The following FARS2 variants were observed in gnomAD, a reference collection of about 807,000 sequenced individuals.
FARS2 encodes the protein phenylalanine--tRNA ligase, mitochondrial.
A neutral mutation model predicts 46.4 loss-of-function variants in FARS2; 40 were observed. The ratio of observed to expected loss-of-function variants is 0.86; its 90% CI spans 0.67 to 1.12. The LOEUF (loss-of-function observed/expected upper bound fraction) is 1.12, where lower values mean the gene tolerates loss of function less well. FARS2 is among the 50% of genes most tolerant of loss of function. FARS2 has a pLI of 0.00. For synonymous variants in FARS2, 234 were observed against 214.9 expected (o/e 1.09, Z -0.78); for missense variants, 513 against 567.9 (o/e 0.90, Z 0.98).
At chr6:5,305,035 A>G (rs931973813) in intron 1 of FARS2, among the ~76,000 whole-genome samples, 2 of 152,168 alleles carry the variant, frequency 1.3e-5, no homozygotes, top group African/African-American at 2.4e-5. Context: ...AAGAGTGCCT[A>G]TTGTGGACTG....
At chr6:5,468,177 A>G (rs956425380) in intron 4 of FARS2, among the ~76,000 whole-genome samples, 1 of 152,114 alleles carries the variant, frequency 6.6e-6, no homozygotes, top group Non-Finnish European at 1.5e-5. Flanking sequence ...GTGTCATGGA[A>G]ACTCTTTGTG....
chr6:5,553,888 T>G (rs539032914), intron 5 of FARS2, among the ~76,000 whole-genome samples: 1 of 152,282 alleles, frequency 6.6e-6, no homozygotes, highest in Admixed American at 6.5e-5. Context: ...TAAAATTATT[T>G]AACTTGTCAG....
chr6:5,366,909 T>C (rs1188405512), intron 1 of FARS2, among the ~76,000 whole-genome samples: 1 of 152,182 alleles, frequency 6.6e-6, no homozygotes, highest in Admixed American at 6.5e-5. Context: ...TCCACTGCAG[T>C]GACAAGTCAC....
At chr6:5,575,753 T>C (rs1235340334) in intron 5 of FARS2, among the ~76,000 whole-genome samples, 3 of 152,222 alleles carry the variant, frequency 2.0e-5, no homozygotes, top group African/African-American at 7.2e-5. Flanking sequence ...ATCGTGACAT[T>C]TTTGAAGATT....
At chr6:5,379,411 A>G (rs1477582414) in intron 2 of FARS2, among the ~76,000 whole-genome samples, 1 of 152,206 alleles carries the variant, frequency 6.6e-6, no homozygotes, top group Non-Finnish European at 1.5e-5. Context: ...AAGAATTACA[A>G]ACTCCAACAC....
intron 5 of FARS2, among the ~76,000 whole-genome samples, chr6:5,599,690 A>G (rs1403260819): frequency 2.0e-5 from 3 of 152,206 alleles, no homozygotes; most frequent in Non-Finnish European, 4.4e-5. Flanking sequence ...TCCACAGTCA[A>G]TTTTAGAACA....
intron 6 of FARS2, among the ~76,000 whole-genome samples, chr6:5,763,257 G>A (rs1311060553): frequency 1.3e-5 from 2 of 152,218 alleles, no homozygotes; most frequent in Non-Finnish European, 1.5e-5. Context: ...TTTGAGATTG[G>A]CCTGGGCAAC....
intron 1 of FARS2, among the ~76,000 whole-genome samples, chr6:5,275,503 A>G (rs182578877): frequency 6.6e-6 from 1 of 152,208 alleles, no homozygotes; most frequent in East Asian, 1.9e-4. Flanking sequence ...GACCATGTCT[A>G]TTTTGTTCAT....
intron 6 of FARS2, among the ~76,000 whole-genome samples, chr6:5,650,043 C>A (rs148937766): frequency 6.6e-6 from 1 of 152,154 alleles, no homozygotes; most frequent in Non-Finnish European, 1.5e-5. Flanking sequence ...GCCCCACTGC[C>A]GGACCCATTT....
intron 4 of FARS2, among the ~76,000 whole-genome samples, chr6:5,497,209 A>G (rs916353695): frequency 2.0e-5 from 3 of 152,226 alleles, no homozygotes; most frequent in Non-Finnish European, 4.4e-5. Flanking sequence ...AACAATACAT[A>G]TAATGATCAT....
chr6:5,690,273 A>G (rs1167610175), intron 6 of FARS2, among the ~76,000 whole-genome samples: 1 of 152,170 alleles, frequency 6.6e-6, no homozygotes, highest in Non-Finnish European at 1.5e-5. Context: ...TCGTTAGTTG[A>G]TGCCGTTTCT....
intron 4 of FARS2, among the ~76,000 whole-genome samples, chr6:5,434,984 A>G (rs893073585): frequency 7.2e-5 from 11 of 152,194 alleles, no homozygotes; most frequent in Admixed American, 3.9e-4. Flanking sequence ...CCCATAAAGC[A>G]TGCTGTATAT....
rs370116278 is a variant in FARS2 at position 5,296,425 on chromosome 6, G to A, written c.-22+34765G>A. Among the ~76,000 whole-genome samples the A allele has an allele frequency of 1.6e-4, 25 of 152,260 alleles. 1 individual carries two copies. Among genetic ancestry groups the A allele is most frequent in the Admixed American group, 1.0e-3 (16 of 15,290 alleles). ...CAAAGTGCTGGGATTACAGGCGTGCGCCACTGTGCCTGGCCTATTTTGGCC... is the reference window on the plus strand; with the variant it reads ...CAAAGTGCTGGGATTACAGGCGTGCACCACTGTGCCTGGCCTATTTTGGCC... On this transcript the variant is annotated intron_variant, in intron 1 of 6. Coordinates refer to ENST00000274680, the MANE Select transcript of FARS2 (RefSeq NM_006567.5).
chr6:5,514,155 A>G (rs1768640227), intron 4 of FARS2, among the ~76,000 whole-genome samples: 1 of 152,084 alleles, frequency 6.6e-6, no homozygotes. Context: ...TAGTTTAAAG[A>G]AATATTGTGT....
At chr6:5,682,818 C>T (rs181329482) in intron 6 of FARS2, among the ~76,000 whole-genome samples, 16 of 152,224 alleles carry the variant, frequency 1.1e-4, no homozygotes, top group East Asian at 5.8e-4. Context: ...TAGTGACACC[C>T]GCAGTGAAGA....
At chr6:5,585,996 A>G (rs1582512919) in intron 5 of FARS2, among the ~76,000 whole-genome samples, 1 of 151,974 alleles carries the variant, frequency 6.6e-6, no homozygotes, top group African/African-American at 2.4e-5. Context: ...GCAGCGTACT[A>G]TTTTCCATAA....
At chr6:5,500,330 C>A (rs1430257907) in intron 4 of FARS2, among the ~76,000 whole-genome samples, 3 of 152,220 alleles carry the variant, frequency 2.0e-5, no homozygotes, top group African/African-American at 7.2e-5. Context: ...TGGGAAAGTA[C>A]TCATAGAAAT....
At chr6:5,416,939 A>G (rs1039550936) in intron 3 of FARS2, among the ~76,000 whole-genome samples, 1 of 152,050 alleles carries the variant, frequency 6.6e-6, no homozygotes, top group Non-Finnish European at 1.5e-5. Flanking sequence ...TATACTATCA[A>G]CTCCTAAATA....
intron 5 of FARS2, among the ~76,000 whole-genome samples, chr6:5,546,875 T>C (rs539925730): frequency 1.3e-5 from 2 of 152,034 alleles, no homozygotes; most frequent in Non-Finnish European, 2.9e-5. Context: ...AAATGCTTGA[T>C]TTTTTCATCC....
Sources: gnomAD v4.1 joint callset for allele counts (sites outside exome capture counted in the v4.1 genomes callset) on GRCh38, gnomAD v4.1.1 for gene constraint, MANE v1.5 for transcripts, NCBI Gene and HGNC (gene_info 2026-07-23, HGNC 2026-07-21) for gene names.